PLEKHA7: variants seen among roughly 807,000 people sequenced by gnomAD.
PLEKHA7 encodes pleckstrin homology domain containing A7, also known as pleckstrin homology domain-containing family A member 7.
PLEKHA7 carries 104 observed loss-of-function variants against 170.0 expected under a neutral mutation model. That is an observed-to-expected ratio of 0.61 (90% CI 0.52 to 0.72). The LOEUF (loss-of-function observed/expected upper bound fraction) is 0.72. PLEKHA7 is among the 30% of genes least tolerant of loss of function. PLEKHA7 has a pLI of 0.00. For missense variants in PLEKHA7, 1,615 were observed against 1,671.7 expected, an observed-to-expected ratio of 0.97 and a Z score of 0.59; for synonymous variants, 648 against 660.8, an observed-to-expected ratio of 0.98 and a Z score of 0.30.
intron 21 of PLEKHA7, chr11:16,790,113 C>A: frequency 1.9e-6 from 1 of 536,292 alleles, no homozygotes; most frequent in Non-Finnish European, 3.4e-6. Context: ...ATCTGTGGAC[C>A]ACCCCAGGCT....
chr11:16,862,413 C>T (rs1257165471), intron 4 of PLEKHA7, among the ~76,000 whole-genome samples: 2 of 152,220 alleles, frequency 1.3e-5, no homozygotes, highest in Non-Finnish European at 2.9e-5. Flanking sequence ...TCTAGCCTAT[C>T]TGCTCCTCCT....
At chr11:16,979,152 C>T (rs1863252867) in intron 3 of PLEKHA7, among the ~76,000 whole-genome samples, 1 of 152,208 alleles carries the variant, frequency 6.6e-6, no homozygotes, top group Non-Finnish European at 1.5e-5. Flanking sequence ...ATTCTCCTGC[C>T]TCACGAGTAG....
At chr11:16,993,531 G>A (rs1864168390) in intron 3 of PLEKHA7, among the ~76,000 whole-genome samples, 1 of 152,178 alleles carries the variant, frequency 6.6e-6, no homozygotes, top group Non-Finnish European at 1.5e-5. Flanking sequence ...GTAGGCACTA[G>A]ATAAATGGTG....
At chr11:16,908,500 TC>T (rs1327597856) in intron 3 of PLEKHA7, among the ~76,000 whole-genome samples, 2 of 136,306 alleles carry the variant, frequency 1.5e-5, no homozygotes, top group South Asian at 2.5e-4. Flanking sequence ...AATTTTTTTT[TC>T]TTTTTTTTTT....
chr11:16,903,373 T>A (rs1386798840), intron 3 of PLEKHA7, among the ~76,000 whole-genome samples: 1 of 152,182 alleles, frequency 6.6e-6, no homozygotes, highest in Non-Finnish European at 1.5e-5. Context: ...ATGTTTGGGA[T>A]GTTTGCTCAG....
chr11:16,791,586 A>G lies in PLEKHA7; in HGVS notation c.2746-387T>C, dbSNP rs751374521. 1.3e-5 allele frequency: 6 copies of G among 471,226 alleles called. No individual in the cohort carries two copies. The highest frequency in any genetic ancestry group is 9.3e-5 in the South Asian group (6 of 64,702). 29.2% of individuals were successfully genotyped at this position (471,226 alleles called of 1,614,324 possible). On this transcript the variant is annotated intron_variant, in intron 19 of 26. Coordinates refer to ENST00000531066, the MANE Select transcript of PLEKHA7 (RefSeq NM_001329630.2). The surrounding 1 kb of genome is among the most constrained non-coding windows in gnomAD (Gnocchi z 4.5). ...TTCCATGCTTATCACAGCACCACCT[A>G]CCTGGAGAGTAACATCTACCCACTC... is the stretch of plus-strand genomic sequence containing the variant.
chr11:16,837,500 C>G (rs375736404), intron 9 of PLEKHA7, among the ~76,000 whole-genome samples: 1 of 152,030 alleles, frequency 6.6e-6, no homozygotes, highest in African/African-American at 2.4e-5. Context: ...TGTAATAACA[C>G]AGGGAACTCT....
intron 3 of PLEKHA7, among the ~76,000 whole-genome samples, chr11:16,916,580 A>G (rs908689368): frequency 6.6e-6 from 1 of 152,192 alleles, no homozygotes; most frequent in Admixed American, 6.5e-5. Context: ...CAGTGCCTGG[A>G]ACAATCAACT....
At chr11:16,963,713 G>A (rs1271483220) in intron 3 of PLEKHA7, among the ~76,000 whole-genome samples, 2 of 152,146 alleles carry the variant, frequency 1.3e-5, no homozygotes, top group Admixed American at 6.5e-5. Flanking sequence ...TGTCCCATTC[G>A]AGTAGCCCTA....
intron 4 of PLEKHA7, among the ~76,000 whole-genome samples, chr11:16,867,023 G>C (rs997880472): frequency 2.6e-5 from 4 of 151,894 alleles, no homozygotes; most frequent in African/African-American, 4.8e-5. Context: ...AGAAACTCAA[G>C]ATTATGTGAC....
At chr11:16,943,276 T>C (rs1033629016) in intron 3 of PLEKHA7, among the ~76,000 whole-genome samples, 1 of 152,190 alleles carries the variant, frequency 6.6e-6, no homozygotes, top group Non-Finnish European at 1.5e-5. Flanking sequence ...TTTTCTAGTA[T>C]TAAATCTCTG....
chr11:16,892,268 G>A (rs1424914345), intron 3 of PLEKHA7, among the ~76,000 whole-genome samples: 3 of 152,162 alleles, frequency 2.0e-5, no homozygotes, highest in Middle Eastern at 3.2e-3. Context: ...TGGAGATCCT[G>A]AGCATGAAGA....
chr11:16,892,743 T>C (rs1327335456), intron 3 of PLEKHA7, among the ~76,000 whole-genome samples: 2 of 150,272 alleles, frequency 1.3e-5, no homozygotes, highest in Admixed American at 6.7e-5. Flanking sequence ...AGTGCTGGAA[T>C]TACATGCATG....
rs566876927 is a variant in PLEKHA7 at position 16,838,342 on chromosome 11, T to C, written c.872+3205A>G. Reference sequence around the variant, plus strand: ...GGGCAACATAGTGAGCCTCTGTCTCTAAAAAATGTTTTAAAATTAGCCAGG... The same window carrying C: ...GGGCAACATAGTGAGCCTCTGTCTCCAAAAAATGTTTTAAAATTAGCCAGG... On this transcript the variant is annotated intron_variant, in intron 9 of 26. Transcript: ENST00000531066. Among the ~76,000 whole-genome samples the C allele has an allele frequency of 4.3e-4, 66 of 152,034 alleles. No homozygotes were observed. In the South Asian group the frequency reaches 5.8e-3, roughly 13 times the overall value.
Position 16,893,548 on chromosome 11 carries a change from A to G in PLEKHA7, c.222-22366T>C, listed in dbSNP as rs1200255446. Among the ~76,000 whole-genome samples the G allele has an allele frequency of 2.6e-5, 4 of 152,274 alleles. No homozygotes were observed. In the East Asian group the frequency reaches 5.8e-4, roughly 22 times the overall value. ...TGGGGCTGAGAAAGTAGTGACAGAG[A>G]AGGCTGTAATTCTCTAGTACCCGCC... On this transcript the variant is annotated intron_variant, in intron 3 of 26. Coordinates refer to ENST00000531066, the MANE Select transcript of PLEKHA7 (RefSeq NM_001329630.2).
intron 4 of PLEKHA7, among the ~76,000 whole-genome samples, chr11:16,866,234 T>G (rs899851178): frequency 5.9e-5 from 9 of 152,276 alleles, no homozygotes; most frequent in Middle Eastern, 3.4e-3. Context: ...TGAAGAAATG[T>G]AAGTGAAAGA....
chr11:16,790,721 G>T, intron 21 of PLEKHA7, 77 bp downstream of exon 21: 3 of 1,423,164 alleles, frequency 2.1e-6, no homozygotes, highest in Non-Finnish European at 2.9e-6. Flanking sequence ...CAGGCAGAAG[G>T]GTACGAGGCA....
intron 3 of PLEKHA7, among the ~76,000 whole-genome samples, chr11:16,927,049 C>T (rs72865726): frequency 0.015 from 2,229 of 150,560 alleles, 25 homozygotes; most frequent in Non-Finnish European, 0.024. Flanking sequence ...AGCGCTAGCC[C>T]GCAGCCATAG....
chr11:16,847,823 C>A (rs943157605), intron 8 of PLEKHA7, among the ~76,000 whole-genome samples: 2 of 115,998 alleles, frequency 1.7e-5, no homozygotes, highest in African/African-American at 6.8e-5. Context: ...GCCCGGGCGA[C>A]AAGAGCGAAA....
Sources: allele counts gnomAD v4.1 joint callset (sites outside exome capture counted in the v4.1 genomes callset), GRCh38; gene constraint gnomAD v4.1.1; non-coding constraint Gnocchi (gnomAD v3.1); transcripts MANE v1.5; gene names NCBI Gene and HGNC (gene_info 2026-07-23, HGNC 2026-07-21).